The following BMP7 variants were observed in gnomAD, a reference collection of about 807,000 sequenced individuals.
BMP7 encodes the protein osteogenic protein 1.
Under a neutral mutation model 41.2 loss-of-function variants are expected in BMP7, and 12 were observed. That is an observed-to-expected ratio of 0.29 (90% CI 0.19 to 0.47). The LOEUF (loss-of-function observed/expected upper bound fraction) is 0.47. Ranked by LOEUF, BMP7 falls within the 20% of genes least tolerant of loss-of-function variation. The pLI, the probability that BMP7 is intolerant of heterozygous loss-of-function variation, is 0.99. For missense variants in BMP7, 467 were observed against 606.0 expected, an observed-to-expected ratio of 0.77 and a Z score of 2.41; for synonymous variants, 248 against 250.0, an observed-to-expected ratio of 0.99 and a Z score of 0.07.
intron 3 of BMP7, among the ~76,000 whole-genome samples, chr20:57,190,242 C>G (rs185166389): frequency 8.2e-4 from 67 of 81,622 alleles, no homozygotes; most frequent in African/African-American, 1.6e-3. Flanking sequence ...GAGAGAGTGA[C>G]CGAGGAACCA....
At chr20:57,192,506 C>T (rs973902962) in intron 3 of BMP7, among the ~76,000 whole-genome samples, 5 of 151,194 alleles carry the variant, frequency 3.3e-5, no homozygotes, top group African/African-American at 1.2e-4. Context: ...AGTCAGTGCG[C>T]GTAACTATTT....
chr20:57,212,374 G>A (rs567952567), intron 2 of BMP7, among the ~76,000 whole-genome samples: 6 of 152,358 alleles, frequency 3.9e-5, no homozygotes, highest in African/African-American at 4.8e-5. Context: ...CTCTGGCCGC[G>A]GGAGGTCAGG....
At chr20:57,253,883 C>T (rs924307824) in intron 1 of BMP7, among the ~76,000 whole-genome samples, 4 of 152,270 alleles carry the variant, frequency 2.6e-5, no homozygotes, top group South Asian at 2.1e-4. Context: ...AAAACCGAGA[C>T]GTTCACATTG....
At chr20:57,197,643 G>C (rs879794777) in intron 3 of BMP7, among the ~76,000 whole-genome samples, 4 of 152,230 alleles carry the variant, frequency 2.6e-5, no homozygotes, top group African/African-American at 9.6e-5. Flanking sequence ...TACCTGGGCA[G>C]GATTATTGAG....
rs1983822363 is a variant in BMP7, at chr20:57,171,800, G to C, written c.1147-692C>G. 6.6e-6 allele frequency among the ~76,000 whole-genome samples: 1 copy of C among 152,174 alleles called. No homozygotes were observed. Among genetic ancestry groups the C allele is most frequent in the Admixed American group, 6.5e-5 (1 of 15,276 alleles). On this transcript the variant is annotated intron_variant, in intron 6 of 6. Coordinates refer to ENST00000395863, the MANE Select transcript of BMP7 (RefSeq NM_001719.3). The surrounding 1 kb of genome is among the most constrained non-coding windows in gnomAD (Gnocchi z 4.5). ...CTGGCACTCTGTTCACAGCCTCCAG[G>C]CTGTGACTGCTGACATAGGCCAGCA...
intron 2 of BMP7, among the ~76,000 whole-genome samples, chr20:57,205,184 C>T (rs958600439): frequency 6.6e-6 from 1 of 152,142 alleles, no homozygotes; most frequent in African/African-American, 2.4e-5. Flanking sequence ...GTAAAGGACT[C>T]ATTCCTCTCT....
In BMP7 at chr20:57,259,726, GTA is replaced by G. The variant is rs1343771435; in HGVS notation, c.418+5977_418+5978del. 6.6e-6 allele frequency among the ~76,000 whole-genome samples: 1 copy of G among 152,154 alleles called. No individual in the cohort carries two copies. The highest frequency in any genetic ancestry group is 1.5e-5 in the Non-Finnish European group (1 of 68,034). On this transcript the variant is annotated intron_variant, in intron 1 of 6. Coordinates refer to ENST00000395863, the MANE Select transcript of BMP7 (RefSeq NM_001719.3). This position sits in a 1 kb window ranked among gnomAD's most constrained non-coding sequence, Gnocchi z 4.7. ...ACATGCTTGCCTGAGTTTCGCATAAGTAAGTGTCAAACTTCATGCACTCTAAT... is the reference window on the plus strand; with the variant it reads ...ACATGCTTGCCTGAGTTTCGCATAAGAGTGTCAAACTTCATGCACTCTAAT...
At chr20:57,252,027 TA>T (rs2066115771) in intron 1 of BMP7, among the ~76,000 whole-genome samples, 1 of 152,192 alleles carries the variant, frequency 6.6e-6, no homozygotes, top group Admixed American at 6.5e-5. Context: ...CAGGGATCAA[TA>T]AACCCCATGA....
chr20:57,178,346 C>T (rs1002207910), intron 4 of BMP7, among the ~76,000 whole-genome samples: 6 of 152,216 alleles, frequency 3.9e-5, no homozygotes, highest in African/African-American at 7.2e-5. Flanking sequence ...GGAAGATCTG[C>T]GTGGCTGGAA....
chr20:57,216,134 C>CG (rs932323213), intron 2 of BMP7, among the ~76,000 whole-genome samples: 6 of 152,118 alleles, frequency 3.9e-5, no homozygotes, highest in East Asian at 1.9e-4. Context: ...ATCCTGAAGC[C>CG]GGGGGGGTCC....
intron 3 of BMP7, among the ~76,000 whole-genome samples, chr20:57,186,651 C>G (rs565958462): frequency 1.3e-5 from 2 of 152,186 alleles, no homozygotes; most frequent in Admixed American, 6.5e-5. Context: ...TACGGTGCCC[C>G]CAAGTTAGAT....
intron 2 of BMP7, among the ~76,000 whole-genome samples, 199 bp from the exon 3 acceptor site, chr20:57,202,822 G>C (rs1400947531): frequency 6.6e-6 from 1 of 152,164 alleles, no homozygotes; most frequent in Non-Finnish European, 1.5e-5. Context: ...GTGCAGAAGA[G>C]CTACAAAGAG....
chr20:57,220,104 T>A (rs1247797133), intron 2 of BMP7, among the ~76,000 whole-genome samples: 1 of 152,180 alleles, frequency 6.6e-6, no homozygotes, highest in Non-Finnish European at 1.5e-5. Context: ...TCCTTCCTCC[T>A]TTCTTGGGGT....
chr20:57,234,639 G>A (rs2066040954), intron 1 of BMP7, among the ~76,000 whole-genome samples: 1 of 95,418 alleles, frequency 1.0e-5, no homozygotes, highest in South Asian at 3.1e-4. Context: ...AAATGGATGG[G>A]CAGGAAACAC....
At chr20:57,175,083 C>T (rs1983893506) in intron 4 of BMP7, 76 bp from the exon 5 acceptor site, 1 of 1,440,694 alleles carries the variant, frequency 6.9e-7, no homozygotes, top group Non-Finnish European at 9.5e-7. Flanking sequence ...TTCCCTCCAT[C>T]TTAGGCAGTG....
intron 1 of BMP7, among the ~76,000 whole-genome samples, chr20:57,260,667 G>A (rs1365124489): frequency 1.3e-5 from 2 of 152,196 alleles, no homozygotes; most frequent in Non-Finnish European, 2.9e-5. Context: ...TATAATAAGT[G>A]TACACAGCTG....
chr20:57,225,638 A>G (rs75659527), intron 2 of BMP7, among the ~76,000 whole-genome samples: 3,165 of 152,264 alleles, frequency 0.021, 96 homozygotes, highest in African/African-American at 0.072. Context: ...GGGGAATTAC[A>G]TCATAGGGGC....
At position 57,175,003 on chromosome 20, in the gene BMP7, G is replaced by A. The variant is rs1381216348; in HGVS notation, c.963C>T (p.Asn321=). Reference sequence around the variant, plus strand: ...AGGCCTGCCTCTGGTCGCTGCTGCTGTTCTCTGCATTGACAAGGAAGTGAA... The same window carrying A: ...AGGCCTGCCTCTGGTCGCTGCTGCTATTCTCTGCATTGACAAGGAAGTGAA... ...EALRMANVAE[N]SSSDQRQACK... The change falls in exon 5 of 7, where the codon AAC becomes AAT. Residue 321 remains asparagine (N), a synonymous_variant. Transcript: ENST00000395863. 1 of 1,610,978 alleles carries A rather than the reference G, an allele frequency of 6.2e-7. No individual in the cohort carries two copies. The highest frequency in any genetic ancestry group is 8.5e-7 in the Non-Finnish European group (1 of 1,179,774).
intron 1 of BMP7, among the ~76,000 whole-genome samples, chr20:57,243,317 A>G (rs931923355): frequency 1.3e-4 from 20 of 152,062 alleles, no homozygotes; most frequent in Admixed American, 7.2e-4. Flanking sequence ...TGTCTCTACT[A>G]AAAATACAAA....
Sources: allele counts gnomAD v4.1 joint callset (sites outside exome capture counted in the v4.1 genomes callset), GRCh38; gene constraint gnomAD v4.1.1; non-coding constraint Gnocchi (gnomAD v3.1); transcripts MANE v1.5; gene names NCBI Gene and HGNC (gene_info 2026-07-23, HGNC 2026-07-21).